Variants in DIP2C observed in about 807,000 individuals in gnomAD.
DIP2C encodes the protein DIP2 acetate--CoA ligase C (putative), also known as disco-interacting protein 2 homolog C.
A neutral mutation model predicts 192.4 loss-of-function variants in DIP2C; 33 were observed. That is an observed-to-expected ratio of 0.17 (90% CI 0.13 to 0.23). The LOEUF (loss-of-function observed/expected upper bound fraction) is 0.23. Ranked by LOEUF, DIP2C falls within the 10% of genes least tolerant of loss-of-function variation. The pLI, the probability that DIP2C is intolerant of heterozygous loss-of-function variation, is 1.00. For missense variants in DIP2C, 1,537 were observed against 2,110.1 expected, an observed-to-expected ratio of 0.73 and a Z score of 5.32; for synonymous variants, 979 against 864.1, an observed-to-expected ratio of 1.13 and a Z score of -2.33.
chr10:538,535 T>C (rs1352519411), intron 1 of DIP2C, among the ~76,000 whole-genome samples: 3 of 152,016 alleles, frequency 2.0e-5, no homozygotes, highest in Non-Finnish European at 4.4e-5. Context: ...GGGGCTAGGG[T>C]GAGAGAGGGA....
intron 3 of DIP2C, among the ~76,000 whole-genome samples, chr10:452,139 ACAG>A (rs1197924577): frequency 6.6e-6 from 1 of 152,220 alleles, no homozygotes; most frequent in Non-Finnish European, 1.5e-5. Flanking sequence ...TGTGGACTGC[ACAG>A]CAGAAGACAG....
intron 6 of DIP2C, 46 bp downstream of exon 6, chr10:419,019 A>G (rs1221625867): frequency 1.2e-6 from 2 of 1,613,456 alleles, no homozygotes; most frequent in East Asian, 2.2e-5. Context: ...GGACGTCAGC[A>G]CAAACCGTTT....
intron 1 of DIP2C, among the ~76,000 whole-genome samples, chr10:629,627 G>A (rs900263734): frequency 1.3e-5 from 2 of 152,164 alleles, no homozygotes; most frequent in African/African-American, 4.8e-5. Context: ...CAAGCTGTCA[G>A]GGTGGAGACC....
intron 34 of DIP2C, among the ~76,000 whole-genome samples, chr10:285,748 C>T (rs1955083474): frequency 6.6e-6 from 1 of 152,242 alleles, no homozygotes; most frequent in Non-Finnish European, 1.5e-5. Context: ...TGCGGAGGGG[C>T]ACAGTGGCAG....
chr10:417,583 C>A (rs192066604), intron 6 of DIP2C, among the ~76,000 whole-genome samples: 1 of 152,044 alleles, frequency 6.6e-6, no homozygotes, highest in South Asian at 2.1e-4. Flanking sequence ...TGTGGCAGTG[C>A]GCCTGTTGGA....
At chr10:619,173 C>T (rs980394710) in intron 1 of DIP2C, among the ~76,000 whole-genome samples, 8 of 152,296 alleles carry the variant, frequency 5.3e-5, no homozygotes, top group Non-Finnish European at 7.3e-5. Context: ...GTCCCCCTAA[C>T]GCCACTGTGA....
At chr10:580,841 T>C (rs1239599026) in intron 1 of DIP2C, among the ~76,000 whole-genome samples, 3 of 151,858 alleles carry the variant, frequency 2.0e-5, no homozygotes, top group Admixed American at 1.3e-4. Flanking sequence ...AACCACTTTC[T>C]GTCAGAGCTC....
At chr10:595,272 C>G (rs970094944) in intron 1 of DIP2C, among the ~76,000 whole-genome samples, 3 of 152,194 alleles carry the variant, frequency 2.0e-5, no homozygotes, top group African/African-American at 7.2e-5. Context: ...CAGAAAACTT[C>G]AGGTTCTTAT....
In DIP2C at chr10:408,965, T is replaced by C. The variant is rs751824449; in HGVS notation, c.1110A>G (p.Leu370=). ...GGACCATGGGTTCCTGCTTTGTGCC[T>C]AATTTGTGTAGAATGCTGTAAGCGA... ...MKVAYSILHK[L]GTKQEPMVRP... The change falls in exon 9 of 37, where the codon TTA becomes TTG. Residue 370 remains leucine (L), a synonymous_variant. Coordinates refer to ENST00000280886, the MANE Select transcript of DIP2C (RefSeq NM_014974.3). 6.2e-7 allele frequency: 1 copy of C among 1,614,250 alleles called. No homozygotes were observed. The highest frequency in any genetic ancestry group is 2.2e-5 in the East Asian group (1 of 44,890).
chr10:386,998 A>AAC (rs1028310033), intron 14 of DIP2C, among the ~76,000 whole-genome samples: 2 of 152,144 alleles, frequency 1.3e-5, no homozygotes, highest in African/African-American at 2.4e-5. Flanking sequence ...GTTTCCCTAC[A>AAC]ACACACACAG....
Position 472,685 on chromosome 10 carries a change from C to T in DIP2C, c.158-136G>A, listed in dbSNP as rs376585758. The T allele has an allele frequency of 1.2e-5, 9 of 740,744 alleles. No homozygotes were observed. The South Asian group carries it at 1.4e-4, about 11-fold the overall frequency. The allele number at this position is 740,744 out of a possible 1,614,324, so 45.9% of individuals were successfully genotyped here. A position where few individuals can be genotyped will look rare whatever the true frequency, so the allele number is the denominator to read the frequency against. ...GACTGGGCATGGCGGCGCCTCAGAG[C>T]CCACAGACAGGAGGGCCAGGACTGA... On this transcript the variant is annotated intron_variant, in intron 2 of 36. Coordinates refer to ENST00000280886, the MANE Select transcript of DIP2C (RefSeq NM_014974.3).
At chr10:670,349 C>G (rs555133439) in intron 1 of DIP2C, among the ~76,000 whole-genome samples, 258 of 150,296 alleles carry the variant, frequency 1.7e-3, no homozygotes, top group African/African-American at 6.2e-3. Flanking sequence ...CGTACATGCA[C>G]ATACATACAC....
chr10:329,641 A>C, intron 29 of DIP2C, 40 bp from the exon 30 acceptor site: 1 of 435,946 alleles, frequency 2.3e-6, no homozygotes, highest in African/African-American at 2.1e-5. Context: ...GGAGCTCAGC[A>C]AGGCTGGAGC....
At chr10:537,526 C>T (rs1847755673) in intron 1 of DIP2C, among the ~76,000 whole-genome samples, 1 of 152,098 alleles carries the variant, frequency 6.6e-6, no homozygotes, top group Non-Finnish European at 1.5e-5. Context: ...ATCTGCCCCC[C>T]ACACATTTGT....
chr10:365,011 T>A (rs1310062319), intron 19 of DIP2C: 1 of 533,084 alleles, frequency 1.9e-6, no homozygotes, highest in Admixed American at 2.0e-5. Context: ...TTTGCCCTTG[T>A]TGGAAGTATG....
chr10:561,246 T>C (rs1318166928), intron 1 of DIP2C, among the ~76,000 whole-genome samples: 1 of 152,202 alleles, frequency 6.6e-6, no homozygotes, highest in African/African-American at 2.4e-5. Flanking sequence ...CAGAGTTTGA[T>C]TCTCTTTGCT....
intron 4 of DIP2C, among the ~76,000 whole-genome samples, chr10:431,644 ACT>A (rs1966856680): frequency 6.6e-6 from 1 of 152,096 alleles, no homozygotes; most frequent in Non-Finnish European, 1.5e-5. Context: ...TGTATATTAA[ACT>A]CAATTCTTTT....
At chr10:281,836 A>G (rs1455873664) in intron 35 of DIP2C, among the ~76,000 whole-genome samples, 3 of 152,232 alleles carry the variant, frequency 2.0e-5, no homozygotes, top group Admixed American at 6.5e-5. Flanking sequence ...GTTCATGAAC[A>G]TTTCCTTAGC....
At chr10:529,967 C>A (rs527812042) in intron 1 of DIP2C, among the ~76,000 whole-genome samples, 5 of 152,250 alleles carry the variant, frequency 3.3e-5, no homozygotes, top group Admixed American at 2.0e-4. Context: ...TTCGCCACCA[C>A]GTGGCGGGCC....
Sources: gnomAD v4.1 joint callset for allele counts (sites outside exome capture counted in the v4.1 genomes callset) on GRCh38, gnomAD v4.1.1 for gene constraint, MANE v1.5 for transcripts, NCBI Gene and HGNC (gene_info 2026-07-23, HGNC 2026-07-21) for gene names.